The following PLXNA4 variants were observed in gnomAD, a reference collection of about 807,000 sequenced individuals.
The protein encoded by PLXNA4 is plexin-A4.
In PLXNA4, 44 loss-of-function variants were observed where a neutral mutation model predicts 191.8. The ratio of observed to expected loss-of-function variants is 0.23; its 90% CI spans 0.18 to 0.29. The LOEUF (loss-of-function observed/expected upper bound fraction) is 0.29. Ranked by LOEUF, PLXNA4 falls within the 10% of genes least tolerant of loss-of-function variation. The pLI is 1.00. For synonymous variants in PLXNA4, 1,082 were observed against 1,009.5 expected, an observed-to-expected ratio of 1.07 and a Z score of -1.36; for missense variants, 1,800 against 2,488.8, an observed-to-expected ratio of 0.72 and a Z score of 5.89.
chr7:132,179,973 GGCAACAGTCCCAA>G (rs752456230), intron 19 of PLXNA4, 52 bp from the exon 20 acceptor site: 44 of 1,541,166 alleles, frequency 2.9e-5, no homozygotes, highest in Non-Finnish European at 3.8e-5. Flanking sequence ...CAGCAGCTTT[GGCAACAGTCCCAA>G]GTTACCCATG....
intron 9 of PLXNA4, 45 bp from the exon 10 acceptor site, chr7:132,211,188 A>T (rs1474765107): frequency 6.5e-7 from 1 of 1,533,662 alleles, no homozygotes; most frequent in Admixed American, 2.0e-5. Context: ...CAGGAAACCA[A>T]ATGAGCAAGG....
intron 9 of PLXNA4, among the ~76,000 whole-genome samples, chr7:132,222,068 C>T (rs1798162244): frequency 6.6e-6 from 1 of 152,228 alleles, no homozygotes; most frequent in African/African-American, 2.4e-5. Context: ...CAAATTTCTA[C>T]TCTTTCTTTC....
intron 28 of PLXNA4, 141 bp downstream of exon 28, chr7:132,146,369 T>C: frequency 1.4e-6 from 2 of 1,382,314 alleles, no homozygotes; most frequent in Non-Finnish European, 2.0e-6. Flanking sequence ...CGGGGAATGG[T>C]CAGCAGTGCC....
intron 3 of PLXNA4, among the ~76,000 whole-genome samples, chr7:132,418,087 C>T (rs1219816061): frequency 6.6e-6 from 1 of 152,204 alleles, no homozygotes; most frequent in Non-Finnish European, 1.5e-5. Flanking sequence ...AGCCAACCAA[C>T]CCCAGCTCTT....
intron 1 of PLXNA4, among the ~76,000 whole-genome samples, chr7:132,559,681 T>C (rs1481240298): frequency 6.6e-6 from 1 of 152,228 alleles, no homozygotes; most frequent in African/African-American, 2.4e-5. Flanking sequence ...GCAGTTCCTA[T>C]GACATGAACA....
chr7:132,513,386 T>C (rs1369504743), intron 1 of PLXNA4, among the ~76,000 whole-genome samples: 1 of 152,206 alleles, frequency 6.6e-6, no homozygotes, highest in African/African-American at 2.4e-5. Flanking sequence ...TTTATAAGTA[T>C]GCCTTCTTTA....
At chr7:132,539,953 C>T (rs1799998353) in intron 1 of PLXNA4, among the ~76,000 whole-genome samples, 1 of 152,176 alleles carries the variant, frequency 6.6e-6, no homozygotes, top group Non-Finnish European at 1.5e-5. Flanking sequence ...GTTAACAATG[C>T]CTTTCCTTCT....
chr7:132,454,119 G>A (rs940925740), intron 3 of PLXNA4, among the ~76,000 whole-genome samples: 1 of 152,210 alleles, frequency 6.6e-6, no homozygotes, highest in African/African-American at 2.4e-5. Flanking sequence ...CAGCAACAAT[G>A]CTGTCAATGA....
intron 30 of PLXNA4, among the ~76,000 whole-genome samples, chr7:132,133,942 A>G (rs1795042404): frequency 6.6e-6 from 1 of 152,148 alleles, no homozygotes; most frequent in Admixed American, 6.5e-5. Flanking sequence ...GGTAACTGCA[A>G]TGACAGGAGG....
intron 5 of PLXNA4, among the ~76,000 whole-genome samples, chr7:132,233,655 G>A (rs1236558798): frequency 6.6e-6 from 1 of 152,224 alleles, no homozygotes; most frequent in Admixed American, 6.5e-5. Flanking sequence ...GGAGGGCATA[G>A]GACTTAGCAG....
chr7:132,440,707 C>T (rs912912265), intron 3 of PLXNA4, among the ~76,000 whole-genome samples: 4 of 152,122 alleles, frequency 2.6e-5, no homozygotes, highest in Admixed American at 6.5e-5. Context: ...AGGTGATTAT[C>T]AAACACTTAT....
At chr7:132,563,599 CTCCTCCTCCTTCTCT>C (rs1254655009) in intron 1 of PLXNA4, among the ~76,000 whole-genome samples, 12 of 115,800 alleles carry the variant, frequency 1.0e-4, no homozygotes, top group African/African-American at 3.3e-4. Context: ...CTCATCCTTT[CTCCTCCTCCTTCTCT>C]TCCTCCTCCT....
chr7:132,345,353 G>T (rs1239518244), intron 3 of PLXNA4, among the ~76,000 whole-genome samples: 1 of 152,164 alleles, frequency 6.6e-6, no homozygotes, highest in Non-Finnish European at 1.5e-5. Context: ...ATAATAATCT[G>T]TACATACCAT....
chr7:132,164,274 C>T lies in PLXNA4; in HGVS notation c.4368G>A (p.Glu1456=). 6.2e-7 allele frequency: 1 copy of T among 1,614,184 alleles called. No individual in the cohort carries two copies. Among genetic ancestry groups the T allele is most frequent in the Middle Eastern group, 1.6e-4 (1 of 6,062 alleles). The change falls in exon 24 of 32, where the codon GAG becomes GAA. Residue 1456 remains glutamate, a synonymous_variant. Transcript: ENST00000321063. ...TGGCACAGAACAGGGAGAAGAGGGG[C>T]TCCCCAGCACACTCCTGGAGGTGAG... ...LYKFLKECAG[E]PLFSLFCAIK...
chr7:132,610,471 G>T (rs912715482), intron 2 of PLXNA4, among the ~76,000 whole-genome samples: 3 of 152,116 alleles, frequency 2.0e-5, no homozygotes, highest in African/African-American at 7.2e-5. Context: ...CCTCTCAAAG[G>T]TTCTTCCTAG....
intron 3 of PLXNA4, among the ~76,000 whole-genome samples, chr7:132,341,841 T>G (rs750440737): frequency 2.6e-5 from 4 of 152,202 alleles, no homozygotes; most frequent in Non-Finnish European, 4.4e-5. Flanking sequence ...GACAGTTACA[T>G]AAGTGTAAAC....
At chr7:132,255,582 G>C (rs973356923) in intron 4 of PLXNA4, among the ~76,000 whole-genome samples, 6 of 152,190 alleles carry the variant, frequency 3.9e-5, no homozygotes, top group African/African-American at 1.4e-4. Flanking sequence ...TCAGCCCTCA[G>C]TTACCATATA....
chr7:132,343,423 T>C (rs1803116068), intron 3 of PLXNA4, among the ~76,000 whole-genome samples: 1 of 152,250 alleles, frequency 6.6e-6, no homozygotes, highest in Non-Finnish European at 1.5e-5. Context: ...CACAAGGTCC[T>C]GGCAATCACC....
Position 132,148,543 on chromosome 7 carries a change from C to T in PLXNA4, c.4764G>A (p.Gln1588=). 1 of 1,614,088 alleles carries T rather than the reference C, an allele frequency of 6.2e-7. No individual in the cohort carries two copies. The highest frequency in any genetic ancestry group is 8.5e-7 in the Non-Finnish European group (1 of 1,179,984). ...WKRLNTLAHY[Q]VPDGSVVALV... ...CCTCCCCTTTCCACATTCCCCTCACCTGGTAGTGGGCCAGTGTGTTCAGTC... is the reference window on the plus strand; with the variant it reads ...CCTCCCCTTTCCACATTCCCCTCACTTGGTAGTGGGCCAGTGTGTTCAGTC... The change falls in exon 26 of 32, where the codon CAG becomes CAA. Residue 1588 remains glutamine (Q), a splice_region_variant and synonymous_variant. Coordinates refer to ENST00000321063, the MANE Select transcript of PLXNA4 (RefSeq NM_020911.2).
Sources: gnomAD v4.1 joint callset for allele counts (sites outside exome capture counted in the v4.1 genomes callset) on GRCh38, gnomAD v4.1.1 for gene constraint, MANE v1.5 for transcripts, NCBI Gene and HGNC (gene_info 2026-07-23, HGNC 2026-07-21) for gene names.